Variants in TMC6 observed in about 807,000 individuals in gnomAD.
TMC6 encodes transmembrane channel-like protein 6.
TMC6 carries 71 observed loss-of-function variants against 95.4 expected under a neutral mutation model. That is an observed-to-expected ratio of 0.74 (90% CI 0.61 to 0.91). TMC6 has a LOEUF of 0.91. Ranked by LOEUF, TMC6 falls within the 40% of genes least tolerant of loss-of-function variation. The probability of loss-of-function intolerance (pLI) is 0.00; values close to 1 mark genes in which losing one functional copy is unlikely to be tolerated. For missense variants in TMC6, 1,074 were observed against 1,079.1 expected (o/e 1.00, Z 0.07); for synonymous variants, 514 against 483.1 (o/e 1.06, Z -0.84).
At chr17:78,129,116 GCCCCCC>G (rs759690776), upstream of TMC6, among the ~76,000 whole-genome samples, 10 of 115,632 alleles carry the variant, frequency 8.6e-5, no homozygotes, top group South Asian at 1.8e-3. This position sits in a 1 kb window ranked among gnomAD's most constrained non-coding sequence, Gnocchi z 4.3. Context: ...ATTGGGCAGC[GCCCCCC>G]CCCCCGCCGC....
chr17:78,131,623 C>A, upstream of TMC6: 2 of 1,551,438 alleles, frequency 1.3e-6, no homozygotes, highest in Non-Finnish European at 1.7e-6. Context: ...TCGGAGCGGG[C>A]CCCTGGGGTG....
rs1170013526 is a variant in TMC6 at position 78,110,088 on chromosome 17, CA to C, written c.*3059del. 1.3e-5 allele frequency: 2 copies of C among 152,470 alleles called. No homozygotes were observed. The highest frequency in any genetic ancestry group is 1.3e-4 in the Admixed American group (2 of 15,402). 9.4% of individuals were successfully genotyped at this position (152,470 alleles called of 1,614,324 possible). A position where few individuals can be genotyped will look rare whatever the true frequency, so the allele number is the denominator to read the frequency against. On this transcript the variant is annotated 3_prime_UTR_variant, in exon 20 of 20. Transcript: ENST00000590602. ...TTCCAAGAAAAAAAAAAAAAATTCA[CA>C]TCCAAAATTTTAAAGATAATTCAAA...
chr17:78,119,121 G>A (rs776112938), intron 14 of TMC6, 75 bp from the exon 15 acceptor site: 183 of 1,517,524 alleles, frequency 1.2e-4, no homozygotes, highest in Non-Finnish European at 1.5e-4. Context: ...TCCAGACCAC[G>A]GGCAGGGCAT....
At chr17:78,125,525 C>A (rs527447462) in intron 5 of TMC6, among the ~76,000 whole-genome samples, 1 of 152,264 alleles carries the variant, frequency 6.6e-6, no homozygotes, top group African/African-American at 2.4e-5. Context: ...CACTCCAAGG[C>A]GCTTGTGAGG....
intron 15 of TMC6, 183 bp from the exon 16 acceptor site, chr17:78,118,118 C>A: frequency 1.9e-6 from 2 of 1,053,278 alleles, no homozygotes; most frequent in East Asian, 5.2e-5. Context: ...TGCACGCAAA[C>A]GGGTGATGCC....
upstream of TMC6, chr17:78,131,267 A>AC (rs1366607785): frequency 4.1e-6 from 2 of 485,470 alleles, no homozygotes; most frequent in Non-Finnish European, 7.5e-6. Flanking sequence ...TGGATCTTTC[A>AC]CCCCATTTGA....
In TMC6 at chr17:78,113,192, C is replaced by A. The variant is rs1186456478; in HGVS notation, c.2374G>T (p.Ala792Ser). The A allele has an allele frequency of 6.4e-7, 1 of 1,557,264 alleles. No homozygotes were observed. Residue 792 changes from alanine (A) to serine (S), a missense_variant, in exon 20 of 20, where the codon GCT becomes TCT. Coordinates refer to ENST00000590602, the MANE Select transcript of TMC6 (RefSeq NM_001127198.5). ...GTGAGCAGGGCAGGGGGTGCCGCAG[C>A]CTCCTCGGTTGTCCCAACCCTGCCA... ...ERSRVGTTEE[A>S]AAPPALLTDE...
chr17:78,118,846 A>T, intron 15 of TMC6, 125 bp downstream of exon 15: 1 of 1,080,060 alleles, frequency 9.3e-7, no homozygotes, highest in Non-Finnish European at 1.4e-6. Flanking sequence ...GGCAGCCCCG[A>T]GCCGCCAGCC....
chr17:78,109,494 G>A lies in TMC6; in HGVS notation c.*3654C>T, dbSNP rs1019550758. On this transcript the variant is annotated 3_prime_UTR_variant, in exon 20 of 20. Transcript: ENST00000590602. ...ACAAGTGTAGTATGCCTGGGCCCCA[G>A]GTCATCATGAAAACCAGAAGCAGAC... 1 of 456,688 alleles carries A rather than the reference G, an allele frequency of 2.2e-6. No homozygotes were observed. The highest frequency in any genetic ancestry group is 6.9e-5 in the East Asian group (1 of 14,398). The allele number at this position is 456,688 out of a possible 1,614,324, so 28.3% of individuals were successfully genotyped here. A position where few individuals can be genotyped will look rare whatever the true frequency, so the allele number is the denominator to read the frequency against.
intron 5 of TMC6, 78 bp downstream of exon 5, chr17:78,125,648 C>T (rs555836654): frequency 1.4e-5 from 21 of 1,530,678 alleles, no homozygotes; most frequent in East Asian, 9.8e-5. Flanking sequence ...CCCCAGCCAC[C>T]GCCCAGGCCA....
chr17:78,113,528 A>G lies in TMC6; in HGVS notation c.2354+20T>C, dbSNP rs372511568. ...CCCCTCCAGGCTCAGAGTGTCCCCA[A>G]TCCCTCCACGGACCCTCACCTGCTC... On this transcript the variant is annotated intron_variant, in intron 19 of 19. Coordinates refer to ENST00000590602, the MANE Select transcript of TMC6 (RefSeq NM_001127198.5). 7.3e-5 allele frequency: 118 copies of G among 1,613,000 alleles called. No homozygotes were observed. The Middle Eastern group carries it at 8.2e-4, about 11-fold the overall frequency.
At position 78,120,823 on chromosome 17, in the gene TMC6, G is replaced by A. The variant is rs752435878; in HGVS notation, c.1545C>T (p.Ile515=). Reference sequence around the variant, plus strand: ...GTGTCCCCAGGATGGCCAGCTTGAGGATGAGGTTCCTGCGGAGGGCGGGGT... The same window carrying A: ...GTGTCCCCAGGATGGCCAGCTTGAGAATGAGGTTCCTGCGGAGGGCGGGGT... ...EVYVAICRNL[I]LKLAILGTLC... The change falls in exon 13 of 20, where the codon ATC becomes ATT. Residue 515 remains isoleucine (I), a synonymous_variant. Transcript: ENST00000590602. The A allele has an allele frequency of 6.2e-7, 1 of 1,612,488 alleles. No homozygotes were observed. Among genetic ancestry groups the A allele is most frequent in the Middle Eastern group, 1.7e-4 (1 of 6,060 alleles).
chr17:78,123,034 C>T (rs903777242), intron 9 of TMC6: 1 of 537,594 alleles, frequency 1.9e-6, no homozygotes, highest in Non-Finnish European at 3.4e-6. Context: ...CCAGAAGATG[C>T]TGGGCTCACC....
intron 5 of TMC6, 81 bp from the exon 6 acceptor site, chr17:78,125,344 T>C (rs2074652888): frequency 6.2e-6 from 8 of 1,293,652 alleles, no homozygotes; most frequent in South Asian, 1.3e-5. Flanking sequence ...GTCAGGCCTG[T>C]GTGTCCCTGC....
At chr17:78,131,962 T>G, upstream of TMC6, 1 of 1,519,336 alleles carries the variant, frequency 6.6e-7, no homozygotes, top group Non-Finnish European at 8.8e-7. Flanking sequence ...GAAAGGCGCC[T>G]GCGGGAGGCA....
In TMC6 at chr17:78,108,955, C is replaced by T. The variant is rs1016186052; in HGVS notation, c.*4193G>A. 1 of 160,848 alleles carries T rather than the reference C, an allele frequency of 6.2e-6. No individual in the cohort carries two copies. Among genetic ancestry groups the T allele is most frequent in the Admixed American group, 5.8e-5 (1 of 17,178 alleles). 10.0% of individuals were successfully genotyped at this position (160,848 alleles called of 1,614,324 possible). On this transcript the variant is annotated 3_prime_UTR_variant, in exon 20 of 20. Coordinates refer to ENST00000590602, the MANE Select transcript of TMC6 (RefSeq NM_001127198.5). ...TCAAGGTTAAGCTCCAGCGATCTTC[C>T]GACCTCAGCCTCCCAAGTAGCTGGG...
upstream of TMC6, chr17:78,132,003 T>TGGG (rs2075000244): frequency 6.5e-7 from 1 of 1,531,858 alleles, no homozygotes; most frequent in African/African-American, 1.4e-5. Context: ...CCTTGGGCTC[T>TGGG]GGGAGGGGGC....
intron 13 of TMC6, chr17:78,120,369 A>G: frequency 1.9e-6 from 1 of 514,008 alleles, no homozygotes; most frequent in Non-Finnish European, 3.8e-6. Context: ...CATGCTGGCC[A>G]GGCTGGTCTC....
intron 9 of TMC6, 104 bp downstream of exon 9, chr17:78,123,884 TG>T: frequency 6.9e-7 from 1 of 1,458,906 alleles, no homozygotes; most frequent in Non-Finnish European, 9.5e-7. Flanking sequence ...GACAGGTAGA[TG>T]GACAGAAGGA....
Sources: allele counts gnomAD v4.1 joint callset (sites outside exome capture counted in the v4.1 genomes callset), GRCh38; gene constraint gnomAD v4.1.1; non-coding constraint Gnocchi (gnomAD v3.1); transcripts MANE v1.5; gene names NCBI Gene and HGNC (gene_info 2026-07-23, HGNC 2026-07-21).